MAD1L1: variants seen among roughly 807,000 people sequenced by gnomAD.
MAD1L1 encodes the protein mitotic arrest deficient 1 like 1.
MAD1L1 carries 95 observed loss-of-function variants against 96.9 expected under a neutral mutation model. The observed-to-expected ratio is 0.98, with a 90% CI of 0.83 to 1.16. The LOEUF is 1.16. Ranked by LOEUF, MAD1L1 falls within the 50% of genes most tolerant of loss-of-function variation. The probability of loss-of-function intolerance (pLI) is 0.00; values close to 1 mark genes in which losing one functional copy is unlikely to be tolerated. For synonymous variants in MAD1L1, 473 were observed against 396.6 expected, an observed-to-expected ratio of 1.19 and a Z score of -2.29; for missense variants, 1,007 against 954.4, an observed-to-expected ratio of 1.06 and a Z score of -0.73.
chr7:2,210,102 T>C (rs1417012300), intron 10 of MAD1L1: 1 of 152,256 alleles, frequency 6.6e-6, no homozygotes, highest in Non-Finnish European at 1.5e-5. Context: ...TTTTTGTTTT[T>C]GTTTTTTAGA....
rs1249651860 is a variant in MAD1L1, at chr7:1,929,756, A to G, written c.1807+6931T>C. On this transcript the variant is annotated intron_variant, in intron 17 of 18. Transcript: ENST00000265854. ...TGCCACGTCCCCTCGCCCCGTCCCC[A>G]CTGCCACGTCCCCTCGCCCCGTCCC... 4.4e-3 allele frequency among the ~76,000 whole-genome samples: 261 copies of G among 58,932 alleles called. 1 individual carries two copies. Among genetic ancestry groups the G allele is most frequent in the African/African-American group, 0.02 (249 of 12,400 alleles). 38.7% of individuals were successfully genotyped at this position (58,932 alleles called of 152,430 possible).
At chr7:2,155,042 G>A (rs1009233648) in intron 10 of MAD1L1, among the ~76,000 whole-genome samples, 1 of 152,218 alleles carries the variant, frequency 6.6e-6, no homozygotes, top group Non-Finnish European at 1.5e-5. Context: ...AGCTCTCAGA[G>A]AGGCTTGCAC....
At chr7:2,144,537 C>T (rs1457302908) in intron 11 of MAD1L1, among the ~76,000 whole-genome samples, 3 of 152,170 alleles carry the variant, frequency 2.0e-5, no homozygotes, top group Non-Finnish European at 4.4e-5. Flanking sequence ...CCTATTCCCC[C>T]CCAGATCTGA....
intron 10 of MAD1L1, chr7:2,210,054 C>T (rs1298250953): frequency 6.6e-6 from 1 of 152,186 alleles, no homozygotes; most frequent in African/African-American, 2.4e-5. Flanking sequence ...GAAAAGAAAG[C>T]CCAGTGCATC....
intron 8 of MAD1L1, 23 bp downstream of exon 8, chr7:2,216,134 C>T (rs1395673834): frequency 3.1e-6 from 5 of 1,610,060 alleles, no homozygotes; most frequent in East Asian, 2.2e-5. Context: ...GAGGCGGCTG[C>T]CCCATCCCCC....
intron 10 of MAD1L1, among the ~76,000 whole-genome samples, chr7:2,151,898 T>C (rs942616275): frequency 6.6e-6 from 1 of 152,218 alleles, no homozygotes; most frequent in Non-Finnish European, 1.5e-5. Flanking sequence ...CAACGCCTCA[T>C]TCTGGCACTG....
chr7:2,063,989 G>A (rs1389760363), intron 12 of MAD1L1, among the ~76,000 whole-genome samples: 2 of 152,168 alleles, frequency 1.3e-5, no homozygotes, highest in African/African-American at 4.8e-5. Context: ...TCCTAGGATG[G>A]ACCAGAAGGG....
intron 12 of MAD1L1, among the ~76,000 whole-genome samples, chr7:2,015,694 C>A (rs1782508013): frequency 1.3e-5 from 2 of 152,238 alleles, no homozygotes; most frequent in African/African-American, 2.4e-5. Flanking sequence ...GGCTGGCGAC[C>A]TTCTCCTGCC....
At position 2,124,013 on chromosome 7, in the gene MAD1L1, C is replaced by G. The variant is rs527951929; in HGVS notation, c.1073+25139G>C. On this transcript the variant is annotated intron_variant, in intron 11 of 18. Transcript: ENST00000265854. ...GGCAAGAACTCTGCTTCCTGGGAAG[C>G]CCCCTGTAGCCAGGTCAGGCTCCTC... 7.9e-5 allele frequency among the ~76,000 whole-genome samples: 12 copies of G among 152,350 alleles called. No individual in the cohort carries two copies. In the South Asian group the frequency reaches 2.3e-3, roughly 29 times the overall value.
At chr7:1,948,814 G>A (rs1162104618) in intron 16 of MAD1L1, among the ~76,000 whole-genome samples, 1 of 152,198 alleles carries the variant, frequency 6.6e-6, no homozygotes, top group African/African-American at 2.4e-5. Context: ...GAACTCCTGG[G>A]CTCCAGGGGC....
intron 11 of MAD1L1, 136 bp from the exon 12 acceptor site, chr7:2,069,474 C>T: frequency 1.3e-6 from 1 of 799,206 alleles, no homozygotes; most frequent in Middle Eastern, 3.8e-4. Context: ...ACTGCCATTT[C>T]CGCACTGCTG....
Position 2,132,399 on chromosome 7 carries a change from CCGCG to C in MAD1L1, c.1073+16749_1073+16752del, listed in dbSNP as rs1788556515. 3.9e-5 allele frequency among the ~76,000 whole-genome samples: 4 copies of C among 102,914 alleles called. No homozygotes were observed. In the South Asian group the frequency reaches 1.3e-3, roughly 35 times the overall value. The allele number at this position is 102,914 out of a possible 152,430, so 67.5% of individuals were successfully genotyped here. On this transcript the variant is annotated intron_variant, in intron 11 of 18. Coordinates refer to ENST00000265854, the MANE Select transcript of MAD1L1 (RefSeq NM_001013836.2). ...TGCGACCGCGCGTCCACCATCACGGCCGCGTGCAGTCGGTTCACTGCTGCGTGCG... is the reference window on the plus strand; with the variant it reads ...TGCGACCGCGCGTCCACCATCACGGCTGCAGTCGGTTCACTGCTGCGTGCG...
chr7:2,053,588 G>A (rs1295454398), intron 12 of MAD1L1, among the ~76,000 whole-genome samples: 1 of 152,230 alleles, frequency 6.6e-6, no homozygotes, highest in African/African-American at 2.4e-5. Flanking sequence ...CGGGGAAGCA[G>A]AGGAGGCTGC....
intron 18 of MAD1L1, among the ~76,000 whole-genome samples, chr7:1,863,236 G>A (rs533075611): frequency 6.6e-5 from 10 of 152,282 alleles, no homozygotes; most frequent in Admixed American, 3.3e-4. Context: ...GCCCAGGGCG[G>A]GGTGAATGCC....
intron 18 of MAD1L1, among the ~76,000 whole-genome samples, chr7:1,837,464 G>T (rs1236731235): frequency 6.6e-6 from 1 of 152,184 alleles, no homozygotes; most frequent in Non-Finnish European, 1.5e-5. Flanking sequence ...CAAGAGAAAA[G>T]AAATAAATGT....
chr7:2,188,760 C>T (rs1184721258), intron 10 of MAD1L1, among the ~76,000 whole-genome samples: 1 of 151,932 alleles, frequency 6.6e-6, no homozygotes, highest in African/African-American at 2.4e-5. Context: ...AGGTTTATGA[C>T]ATGGGATTTG....
chr7:1,883,750 G>A (rs1184827092), intron 18 of MAD1L1, among the ~76,000 whole-genome samples: 3 of 152,316 alleles, frequency 2.0e-5, no homozygotes, highest in East Asian at 1.9e-4. Context: ...GGCAGTCTGT[G>A]TGCCCCAGGC....
intron 16 of MAD1L1, among the ~76,000 whole-genome samples, chr7:1,942,421 C>T (rs1288756876): frequency 6.6e-6 from 1 of 152,250 alleles, no homozygotes; most frequent in Admixed American, 6.5e-5. Context: ...TCAGGCACAC[C>T]ATTCCATGCC....
chr7:2,043,752 G>T (rs1344301144), intron 12 of MAD1L1, among the ~76,000 whole-genome samples: 2 of 152,218 alleles, frequency 1.3e-5, no homozygotes, highest in African/African-American at 4.8e-5. Flanking sequence ...CAGGCCTCCT[G>T]CCAGGCCCCA....
Sources: gnomAD v4.1 joint callset for allele counts (sites outside exome capture counted in the v4.1 genomes callset) on GRCh38, gnomAD v4.1.1 for gene constraint, MANE v1.5 for transcripts, NCBI Gene and HGNC (gene_info 2026-07-23, HGNC 2026-07-21) for gene names.